The following CPNE4 variants were observed in gnomAD, a reference collection of about 807,000 sequenced individuals.
The protein encoded by CPNE4 is copine 4, also known as copine-4.
Under a neutral mutation model 67.9 loss-of-function variants are expected in CPNE4, and 25 were observed. The observed-to-expected ratio is 0.37, with a 90% confidence interval of 0.27 to 0.51. The LOEUF (loss-of-function observed/expected upper bound fraction) is 0.51. CPNE4 is among the 20% of genes least tolerant of loss of function. CPNE4 has a pLI of 0.93. For missense variants in CPNE4, 464 were observed against 690.8 expected (o/e 0.67, Z 3.68); for synonymous variants, 242 against 244.9 (o/e 0.99, Z 0.11).
At chr3:131,792,279 A>G (rs2083746117) in intron 2 of CPNE4, among the ~76,000 whole-genome samples, 1 of 152,034 alleles carries the variant, frequency 6.6e-6, no homozygotes, top group African/African-American at 2.4e-5. Context: ...CTTCCACTTC[A>G]GATTCCTTTT....
intron 11 of CPNE4, among the ~76,000 whole-genome samples, chr3:131,558,538 T>TAA (rs201391003): frequency 2.1e-4 from 32 of 151,010 alleles, no homozygotes; most frequent in African/African-American, 7.5e-4. Context: ...TAAAATACAA[T>TAA]AAAAAAAAAC....
Position 131,993,511 on chromosome 3 carries a change from T to G in CPNE4, c.-2+41056A>C, listed in dbSNP as rs1342442085. Among the ~76,000 whole-genome samples the G allele has an allele frequency of 2.0e-5, 2 of 101,950 alleles. 1 individual carries two copies. The highest frequency in any genetic ancestry group is 4.1e-5 in the Non-Finnish European group (2 of 48,844). 66.9% of individuals were successfully genotyped at this position (101,950 alleles called of 152,430 possible). A position where few individuals can be genotyped will look rare whatever the true frequency, so the allele number is the denominator to read the frequency against. On this transcript the variant is annotated intron_variant, in intron 1 of 15. Coordinates refer to ENST00000429747, the MANE Select transcript of CPNE4 (RefSeq NM_130808.3). ...AAAAGCATAGCTTTAGAAACTAAAG[T>G]TCTTACATTCACTTTCATGACTTTG... is the stretch of plus-strand genomic sequence containing the variant.
chr3:132,024,053 TG>T (rs58213702), intron 1 of CPNE4, among the ~76,000 whole-genome samples: 83,950 of 150,838 alleles, frequency 0.56, 23,884 homozygotes, highest in South Asian at 0.64. Flanking sequence ...TTAATACACG[TG>T]AACAAAAGCT....
At chr3:131,754,159 G>C (rs1207554665) in intron 2 of CPNE4, among the ~76,000 whole-genome samples, 2 of 151,656 alleles carry the variant, frequency 1.3e-5, no homozygotes, top group African/African-American at 2.4e-5. Flanking sequence ...TTTTTTTTAT[G>C]GAAAAAAGCA....
At chr3:131,923,317 C>T (rs1340751012) in intron 1 of CPNE4, among the ~76,000 whole-genome samples, 2 of 152,196 alleles carry the variant, frequency 1.3e-5, no homozygotes, top group African/African-American at 4.8e-5. Flanking sequence ...TCTGCTCCCT[C>T]AGGACTCTTG....
intron 10 of CPNE4, among the ~76,000 whole-genome samples, chr3:131,566,587 T>C: frequency 6.6e-6 from 1 of 151,718 alleles, no homozygotes; most frequent in East Asian, 1.9e-4. Context: ...AAGATAGAGA[T>C]CCAAACTCAT....
rs1438373555 is a variant in CPNE4, at chr3:131,696,586, C to T, written c.463G>A (p.Asp155Asn). 5.6e-6 allele frequency: 9 copies of T among 1,613,832 alleles called. No individual in the cohort carries two copies. In the Admixed American group the frequency reaches 6.7e-5, roughly 12 times the overall value. The change falls in exon 5 of 16, where the codon GAC (aspartate) becomes AAC (asparagine). Residue 155 changes from aspartate to asparagine, a missense_variant. Transcript: ENST00000429747. ...VIAEELSGND[D>N]YVELAFNARK... is the part of the protein sequence containing the mutation. The stretch of plus-strand genomic sequence containing the variant: ...GCATTGAATGCAAGCTCAACATAGT[C>T]GTCATTGCCAGATAATTCTTCAGCA...
chr3:131,679,638 C>T (rs1286853953), intron 6 of CPNE4, among the ~76,000 whole-genome samples: 2 of 152,046 alleles, frequency 1.3e-5, no homozygotes, highest in Non-Finnish European at 2.9e-5. Context: ...TCTTTGTGCT[C>T]ATTAGTTTCA....
intron 1 of CPNE4, among the ~76,000 whole-genome samples, chr3:131,988,753 G>A (rs994439127): frequency 6.6e-6 from 1 of 152,094 alleles, no homozygotes; most frequent in Non-Finnish European, 1.5e-5. Flanking sequence ...AGTTAACATA[G>A]TTTTCCAAAT....
At chr3:131,613,592 A>G (rs572519909) in intron 7 of CPNE4, among the ~76,000 whole-genome samples, 1 of 152,310 alleles carries the variant, frequency 6.6e-6, no homozygotes, top group Non-Finnish European at 1.5e-5. Flanking sequence ...GCAAATAACT[A>G]CCTTGGCAGG....
chr3:131,810,389 C>T (rs2084476877), intron 2 of CPNE4, among the ~76,000 whole-genome samples: 1 of 152,018 alleles, frequency 6.6e-6, no homozygotes, highest in Non-Finnish European at 1.5e-5. Flanking sequence ...CCCAAATAAC[C>T]TGATTGTAAA....
chr3:131,600,700 G>C (rs1241949542), intron 7 of CPNE4, among the ~76,000 whole-genome samples: 1 of 152,016 alleles, frequency 6.6e-6, no homozygotes, highest in Non-Finnish European at 1.5e-5. Flanking sequence ...GCTGTCTTGG[G>C]GTTATACCAC....
intron 1 of CPNE4, among the ~76,000 whole-genome samples, chr3:131,987,623 C>A (rs191095067): frequency 7.2e-4 from 109 of 151,892 alleles, no homozygotes; most frequent in South Asian, 2.9e-3. Flanking sequence ...CCTGACCTCA[C>A]GTGATCCACC....
At chr3:131,568,501 A>T (rs376190427) in intron 10 of CPNE4, among the ~76,000 whole-genome samples, 7 of 152,024 alleles carry the variant, frequency 4.6e-5, no homozygotes, top group African/African-American at 9.7e-5. Context: ...CCACGTTTTC[A>T]TTTCCTGATA....
intron 14 of CPNE4, 45 bp downstream of exon 14, chr3:131,549,902 A>G (rs1290208229): frequency 6.2e-6 from 10 of 1,606,364 alleles, no homozygotes; most frequent in Non-Finnish European, 7.7e-6. Context: ...TATCCAGGTG[A>G]GGAAGAGTAA....
At chr3:131,868,474 T>C (rs2087053928) in intron 2 of CPNE4, among the ~76,000 whole-genome samples, 1 of 152,238 alleles carries the variant, frequency 6.6e-6, no homozygotes, top group South Asian at 2.1e-4. Context: ...TGATTCCTAG[T>C]GACTCCATGC....
At chr3:131,719,869 T>C (rs1348537662) in intron 3 of CPNE4, among the ~76,000 whole-genome samples, 1 of 152,194 alleles carries the variant, frequency 6.6e-6, no homozygotes, top group Non-Finnish European at 1.5e-5. Flanking sequence ...AGGAAACCTT[T>C]CCAAGAAAAA....
At chr3:131,976,037 C>G (rs1265352976) in intron 1 of CPNE4, among the ~76,000 whole-genome samples, 1 of 148,582 alleles carries the variant, frequency 6.7e-6, no homozygotes, top group Non-Finnish European at 1.5e-5. Context: ...TAAAAAAAAA[C>G]TATAGGACTT....
chr3:131,996,962 C>T (rs1251722100), intron 1 of CPNE4, among the ~76,000 whole-genome samples: 1 of 152,042 alleles, frequency 6.6e-6, no homozygotes, highest in Non-Finnish European at 1.5e-5. Context: ...CTGGACAACA[C>T]TGAGAACTCT....
Sources: gnomAD v4.1 joint callset for allele counts (sites outside exome capture counted in the v4.1 genomes callset) on GRCh38, gnomAD v4.1.1 for gene constraint, MANE v1.5 for transcripts, NCBI Gene and HGNC (gene_info 2026-07-23, HGNC 2026-07-21) for gene names.